Variants in ADAMTS3 observed in about 807,000 individuals in gnomAD.
The protein encoded by ADAMTS3 is A disintegrin and metalloproteinase with thrombospondin motifs 3.
In ADAMTS3, 73 loss-of-function variants were observed where a neutral mutation model predicts 129.0. The observed-to-expected ratio is 0.57, with a 90% CI of 0.47 to 0.69. The LOEUF (loss-of-function observed/expected upper bound fraction) is 0.69, where lower values mean the gene tolerates loss of function less well. ADAMTS3 is among the 30% of genes least tolerant of loss of function. The pLI, the probability that ADAMTS3 is intolerant of heterozygous loss-of-function variation, is 0.00. For missense variants in ADAMTS3, 1,457 were observed against 1,514.5 expected (o/e 0.96, Z 0.63); for synonymous variants, 477 against 510.8 (o/e 0.93, Z 0.89).
At chr4:72,288,963 C>CACACAG in intron 20 of ADAMTS3, 95 bp from the exon 21 acceptor site, 26 of 716,936 alleles carry the variant, frequency 3.6e-5, no homozygotes. Flanking sequence ...CACACACACA[C>CACACAG]ACACAAAGAC....
chr4:72,426,499 A>T (rs930675916), intron 3 of ADAMTS3, among the ~76,000 whole-genome samples: 1 of 152,140 alleles, frequency 6.6e-6, no homozygotes, highest in Non-Finnish European at 1.5e-5. Flanking sequence ...TTGGCAGAAG[A>T]CATATCTGAA....
At chr4:72,336,670 G>A (rs1719997793) in intron 5 of ADAMTS3, among the ~76,000 whole-genome samples, 1 of 152,130 alleles carries the variant, frequency 6.6e-6, no homozygotes, top group African/African-American at 2.4e-5. Context: ...TATCCAGTTG[G>A]AGAGTGATGA....
At chr4:72,530,591 T>C (rs1720994137) in intron 3 of ADAMTS3, among the ~76,000 whole-genome samples, 2 of 88,790 alleles carry the variant, frequency 2.3e-5, no homozygotes, top group African/African-American at 4.6e-5. Context: ...ATTAAATATA[T>C]ATTAATATTA....
chr4:72,549,247 T>C (rs1338131697), intron 2 of ADAMTS3, among the ~76,000 whole-genome samples: 1 of 152,188 alleles, frequency 6.6e-6, no homozygotes, highest in Admixed American at 6.5e-5. Context: ...TGACATCTGC[T>C]AAAAACTTTT....
intron 3 of ADAMTS3, among the ~76,000 whole-genome samples, chr4:72,415,511 T>C (rs1012104771): frequency 1.3e-5 from 2 of 151,938 alleles, no homozygotes; most frequent in African/African-American, 4.8e-5. Context: ...TCTGTGGAAA[T>C]CCCCATTTCT....
At position 72,319,324 on chromosome 4, in the gene ADAMTS3, G is replaced by A. The variant is rs1378812928; in HGVS notation, c.1352+8C>T. On this transcript the variant is annotated splice_region_variant and intron_variant, in intron 9 of 21. Coordinates refer to ENST00000286657, the MANE Select transcript of ADAMTS3 (RefSeq NM_014243.3). ...AAATACTTTCATGACATGCAGCAGG[G>A]GACATACTGGATATATCTTTTCAGT... 8.7e-6 allele frequency: 14 copies of A among 1,613,680 alleles called. No homozygotes were observed. The highest frequency in any genetic ancestry group is 1.2e-5 in the Non-Finnish European group (14 of 1,179,816).
chr4:72,480,730 C>T (rs1553917893), intron 3 of ADAMTS3, among the ~76,000 whole-genome samples: 2 of 147,628 alleles, frequency 1.4e-5, no homozygotes, highest in Non-Finnish European at 3.0e-5. Context: ...AAAAGAGAAA[C>T]AAGAGGAAAT....
intron 2 of ADAMTS3, among the ~76,000 whole-genome samples, chr4:72,565,257 A>G (rs1221819161): frequency 1.3e-5 from 2 of 152,234 alleles, no homozygotes; most frequent in East Asian, 3.8e-4. Context: ...AATTTGTTGA[A>G]AAATAAATAA....
intron 3 of ADAMTS3, among the ~76,000 whole-genome samples, chr4:72,527,689 C>T (rs1217529780): frequency 6.6e-6 from 1 of 152,070 alleles, no homozygotes; most frequent in Non-Finnish European, 1.5e-5. Context: ...TCCAACAATC[C>T]AGAAACCAAA....
chr4:72,502,865 C>T (rs1421132403), intron 3 of ADAMTS3, among the ~76,000 whole-genome samples: 2 of 152,184 alleles, frequency 1.3e-5, no homozygotes, highest in East Asian at 3.9e-4. Flanking sequence ...GTTATCCCTC[C>T]CCTAGCCCGC....
intron 3 of ADAMTS3, among the ~76,000 whole-genome samples, chr4:72,517,322 C>T (rs1720516497): frequency 6.6e-6 from 1 of 152,158 alleles, no homozygotes; most frequent in African/African-American, 2.4e-5. Context: ...CTCTGCCAGG[C>T]TTTGGTATCA....
intron 3 of ADAMTS3, among the ~76,000 whole-genome samples, chr4:72,480,710 A>T (rs1054936850): frequency 6.6e-6 from 1 of 151,276 alleles, no homozygotes; most frequent in South Asian, 2.1e-4. Context: ...ATAAAAAAAT[A>T]AAAAATAAAA....
intron 4 of ADAMTS3, among the ~76,000 whole-genome samples, chr4:72,364,756 T>TA (rs1304472469): frequency 5.9e-5 from 9 of 152,068 alleles, no homozygotes; most frequent in African/African-American, 1.9e-4. Flanking sequence ...TCTTAATTTT[T>TA]AAAAAAATGT....
At chr4:72,399,764 T>C (rs1315143523) in intron 4 of ADAMTS3, among the ~76,000 whole-genome samples, 1 of 148,634 alleles carries the variant, frequency 6.7e-6, no homozygotes, top group Non-Finnish European at 1.5e-5. Flanking sequence ...TGTGTGTATA[T>C]ATATACACAC....
intron 3 of ADAMTS3, among the ~76,000 whole-genome samples, chr4:72,526,729 CATACATATATATATATATATATATAT>C (rs1164794573): frequency 4.7e-5 from 2 of 42,412 alleles, no homozygotes; most frequent in Non-Finnish European, 8.3e-5. Context: ...AAAATATATA[CATACATATATATATATATATATATAT>C]ATATATATAT....
intron 4 of ADAMTS3, among the ~76,000 whole-genome samples, chr4:72,346,138 A>G (rs1720278121): frequency 1.3e-5 from 2 of 152,146 alleles, no homozygotes; most frequent in South Asian, 4.1e-4. Context: ...CAATTCTAGC[A>G]TCAAAGCCAT....
rs137903298 is a variant in ADAMTS3 at position 72,328,087 on chromosome 4, TC to T, written c.862-4991del. On this transcript the variant is annotated intron_variant, in intron 5 of 21. Transcript: ENST00000286657. ...ACTGCATAATGCAAACCAAAGTACATCTACAAAAAAACACTGAGTATCTTTT... is the reference window on the plus strand; with the variant it reads ...ACTGCATAATGCAAACCAAAGTACATTACAAAAAAACACTGAGTATCTTTT... Among the ~76,000 whole-genome samples the T allele has an allele frequency of 5.3e-3, 812 of 152,304 alleles. 11 individuals carry two copies. The highest frequency in any genetic ancestry group is 0.019 in the African/African-American group (781 of 41,570).
At chr4:72,447,683 T>C (rs901391772) in intron 3 of ADAMTS3, among the ~76,000 whole-genome samples, 3 of 151,634 alleles carry the variant, frequency 2.0e-5, no homozygotes, top group African/African-American at 7.3e-5. Flanking sequence ...ATCTTCAACA[T>C]CTGCATCTTC....
At chr4:72,497,651 T>C (rs976123400) in intron 3 of ADAMTS3, among the ~76,000 whole-genome samples, 6 of 151,702 alleles carry the variant, frequency 4.0e-5, no homozygotes, top group African/African-American at 7.2e-5. Context: ...TTTACAGATA[T>C]TCAAAGATCT....
Sources: allele counts gnomAD v4.1 joint callset (sites outside exome capture counted in the v4.1 genomes callset), GRCh38; gene constraint gnomAD v4.1.1; transcripts MANE v1.5; gene names NCBI Gene and HGNC (gene_info 2026-07-23, HGNC 2026-07-21).